The following ABCC1 variants were observed in gnomAD, a reference collection of about 807,000 sequenced individuals.
The protein encoded by ABCC1 is multidrug resistance-associated protein 1.
Under a neutral mutation model 172.9 loss-of-function variants are expected in ABCC1, and 83 were observed. The ratio of observed to expected loss-of-function variants is 0.48; its 90% confidence interval spans 0.40 to 0.58. The LOEUF (loss-of-function observed/expected upper bound fraction) is 0.58, where lower values mean the gene tolerates loss of function less well. Ranked by LOEUF, ABCC1 falls within the 20% of genes least tolerant of loss-of-function variation. The pLI, the probability that ABCC1 is intolerant of heterozygous loss-of-function variation, is 0.00. For synonymous variants in ABCC1, 937 were observed against 825.2 expected, an observed-to-expected ratio of 1.14 and a Z score of -2.32; for missense variants, 1,817 against 2,002.7, an observed-to-expected ratio of 0.91 and a Z score of 1.77.
intron 1 of ABCC1, among the ~76,000 whole-genome samples, chr16:15,957,271 AG>A (rs1352796696): frequency 1.6e-5 from 2 of 123,512 alleles, no homozygotes; most frequent in Non-Finnish European, 3.3e-5. Flanking sequence ...TTTTTTGTAG[AG>A]ATAGGGTTTT....
chr16:15,975,594 T>C (rs2046471269), intron 1 of ABCC1, among the ~76,000 whole-genome samples: 3 of 151,974 alleles, frequency 2.0e-5, no homozygotes, highest in African/African-American at 4.8e-5. Context: ...TTTGGTCTTG[T>C]TGCGCAGGCT....
At chr16:15,995,919 C>T (rs2047038877) in intron 1 of ABCC1, among the ~76,000 whole-genome samples, 1 of 151,976 alleles carries the variant, frequency 6.6e-6, no homozygotes, top group Non-Finnish European at 1.5e-5. Flanking sequence ...AAGTGATCCT[C>T]CTGCCTCGGT....
At chr16:15,953,478 G>A (rs952558156) in intron 1 of ABCC1, among the ~76,000 whole-genome samples, 13 of 152,296 alleles carry the variant, frequency 8.5e-5, no homozygotes, top group African/African-American at 2.9e-4. Context: ...TCATCTCTCC[G>A]TGCCTCAGTT....
chr16:16,074,509 C>T (rs2050477979), intron 14 of ABCC1, among the ~76,000 whole-genome samples: 1 of 152,188 alleles, frequency 6.6e-6, no homozygotes, highest in African/African-American at 2.4e-5. Context: ...CAGCTCAATG[C>T]AAGCATCAGG....
At chr16:15,995,207 A>G (rs1354306545) in intron 1 of ABCC1, among the ~76,000 whole-genome samples, 1 of 152,010 alleles carries the variant, frequency 6.6e-6, no homozygotes, top group Non-Finnish European at 1.5e-5. Context: ...CTGGTTCTGT[A>G]TCTGTAAAAT....
intron 28 of ABCC1, among the ~76,000 whole-genome samples, chr16:16,134,945 A>G (rs45613836): frequency 2.0e-5 from 3 of 152,038 alleles, no homozygotes. Context: ...GCTGGCCTTC[A>G]TTGTTTTTAT....
chr16:15,974,822 T>C (rs906056534), intron 1 of ABCC1, among the ~76,000 whole-genome samples: 15 of 152,358 alleles, frequency 9.8e-5, no homozygotes, highest in Admixed American at 5.2e-4. Flanking sequence ...AGTCTCACTC[T>C]GTCGCCCAGG....
At chr16:16,022,938 G>T (rs1192394061) in intron 5 of ABCC1, among the ~76,000 whole-genome samples, 1 of 152,074 alleles carries the variant, frequency 6.6e-6, no homozygotes, top group South Asian at 2.1e-4. Flanking sequence ...TTGAGATAGG[G>T]TCTCACTCTG....
chr16:16,016,651 CGTGT>C (rs749067342), intron 5 of ABCC1, 30 bp downstream of exon 5: 1 of 1,611,880 alleles, frequency 6.2e-7, no homozygotes, highest in African/African-American at 1.3e-5. Context: ...AGTGTGTGTG[CGTGT>C]GTGTGTGAGA....
At chr16:16,059,685 G>A (rs1487793294) in intron 12 of ABCC1, among the ~76,000 whole-genome samples, 1 of 151,882 alleles carries the variant, frequency 6.6e-6, no homozygotes. Context: ...CGCACCTGTG[G>A]TCATAGCTAC....
chr16:16,086,392 G>C (rs2051005916), intron 17 of ABCC1, among the ~76,000 whole-genome samples: 1 of 152,194 alleles, frequency 6.6e-6, no homozygotes. Context: ...AAGAGGAGGT[G>C]GGTGCAGCTC....
chr16:16,093,384 C>T (rs1236279170), intron 19 of ABCC1, among the ~76,000 whole-genome samples: 5 of 152,146 alleles, frequency 3.3e-5, no homozygotes, highest in African/African-American at 9.6e-5. Flanking sequence ...TCCGCACCCC[C>T]GCCTTTCTTT....
At chr16:15,969,155 G>A (rs60647522) in intron 1 of ABCC1, among the ~76,000 whole-genome samples, 1 of 152,152 alleles carries the variant, frequency 6.6e-6, no homozygotes, top group Non-Finnish European at 1.5e-5. Context: ...AGAGAGCCAA[G>A]ATGATGGCAC....
At chr16:15,976,285 A>G (rs1425254462) in intron 1 of ABCC1, among the ~76,000 whole-genome samples, 1 of 152,164 alleles carries the variant, frequency 6.6e-6, no homozygotes, top group Non-Finnish European at 1.5e-5. Context: ...AAAAAACTCA[A>G]CAGAGAAAAG....
At chr16:15,991,412 A>G (rs1444193640) in intron 1 of ABCC1, among the ~76,000 whole-genome samples, 1 of 152,128 alleles carries the variant, frequency 6.6e-6, no homozygotes, top group African/African-American at 2.4e-5. Context: ...AATATACATG[A>G]AAAGTACAGG....
intron 27 of ABCC1, among the ~76,000 whole-genome samples, chr16:16,132,808 C>T (rs2045757257): frequency 6.6e-6 from 1 of 152,152 alleles, no homozygotes; most frequent in African/African-American, 2.4e-5. Context: ...AGGTGTGAGC[C>T]ACTGCACCTG....
intron 14 of ABCC1, 145 bp from the exon 15 acceptor site, chr16:16,076,181 G>T: frequency 1.4e-6 from 1 of 739,082 alleles, no homozygotes; most frequent in Non-Finnish European, 2.2e-6. Context: ...TTCAGAACCC[G>T]TGGCTGATGT....
At chr16:16,108,181 A>G (rs2052220022) in intron 21 of ABCC1, among the ~76,000 whole-genome samples, 1 of 151,862 alleles carries the variant, frequency 6.6e-6, no homozygotes. Flanking sequence ...CCAATTTTAT[A>G]TTCAAGGAAC....
chr16:15,977,057 G>C (rs574223532), intron 1 of ABCC1, among the ~76,000 whole-genome samples: 39 of 152,332 alleles, frequency 2.6e-4, no homozygotes, highest in South Asian at 1.7e-3. Context: ...TCATAGGGCA[G>C]GGAGATGGGT....
Sources: allele counts gnomAD v4.1 joint callset (sites outside exome capture counted in the v4.1 genomes callset), GRCh38; gene constraint gnomAD v4.1.1; transcripts MANE v1.5; gene names NCBI Gene and HGNC (gene_info 2026-07-23, HGNC 2026-07-21).